The following PCNX1 variants were observed in gnomAD, a reference collection of about 807,000 sequenced individuals.
The protein encoded by PCNX1 is pecanex 1, also known as pecanex-like protein 1.
PCNX1 carries 78 observed loss-of-function variants against 242.2 expected under a neutral mutation model. That is an observed-to-expected ratio of 0.32 (90% confidence interval 0.27 to 0.39). The LOEUF (loss-of-function observed/expected upper bound fraction) is 0.39. PCNX1 is among the 10% of genes least tolerant of loss of function. The pLI, the probability that PCNX1 is intolerant of heterozygous loss-of-function variation, is 1.00. For missense variants in PCNX1, 2,581 were observed against 2,856.5 expected (o/e 0.90, Z 2.20); for synonymous variants, 1,024 against 1,032.9 (o/e 0.99, Z 0.17).
In PCNX1 at chr14:70,932,908, G is replaced by A. The variant is rs188175747; in HGVS notation, c.154-14007G>A. Among the ~76,000 whole-genome samples, 436 of 152,144 alleles carry A rather than the reference G, an allele frequency of 2.9e-3. 1 individual carries two copies. The highest frequency in any genetic ancestry group is 9.6e-3 in the African/African-American group (397 of 41,506). ...ATTACAGGCTTGAGCCACCACGCCC[G>A]GCCAAGAAGTTTTTATTATTTTTCT... is the stretch of plus-strand genomic sequence containing the variant. On this transcript the variant is annotated intron_variant, in intron 1 of 35. Coordinates refer to ENST00000304743, the MANE Select transcript of PCNX1 (RefSeq NM_014982.3).
intron 28 of PCNX1, chr14:71,085,925 G>A (rs1040831306): frequency 1.2e-5 from 2 of 161,868 alleles, no homozygotes; most frequent in African/African-American, 2.4e-5. Context: ...TTTCCTCTAC[G>A]CCTTTTGCAG....
At chr14:70,910,575 C>G (rs919072713) in intron 1 of PCNX1, among the ~76,000 whole-genome samples, 4 of 152,146 alleles carry the variant, frequency 2.6e-5, no homozygotes, top group African/African-American at 7.2e-5. Context: ...TTTGCAGGTT[C>G]TCATATACGT....
rs888045503 is a variant in PCNX1 at position 71,113,717 on chromosome 14, G to T, written c.*3782G>T. The T allele has an allele frequency of 8.5e-5, 13 of 152,178 alleles. No individual in the cohort carries two copies. The highest frequency in any genetic ancestry group is 1.8e-4 in the Non-Finnish European group (12 of 68,020). 9.4% of individuals were successfully genotyped at this position (152,178 alleles called of 1,614,324 possible). On this transcript the variant is annotated 3_prime_UTR_variant, in exon 36 of 36. Transcript: ENST00000304743. ...AATAAATATGTGACTTGAGAAAAAGGTAATAATGATTTTGTCAGAATTCTT... is the reference window on the plus strand; with the variant it reads ...AATAAATATGTGACTTGAGAAAAAGTTAATAATGATTTTGTCAGAATTCTT...
At position 71,047,706 on chromosome 14, in the gene PCNX1, T is replaced by C. The variant is rs2060902999; in HGVS notation, c.4161-101T>C. ...TTTGGAAGCTTACATTTAATGTATA[T>C]ATTATAAGCTTAGTAAAGTAAATGG... On this transcript the variant is annotated intron_variant, in intron 21 of 35. Transcript: ENST00000304743. The C allele has an allele frequency of 1.2e-5, 11 of 918,442 alleles. No individual in the cohort carries two copies. In the South Asian group the frequency reaches 2.0e-4, roughly 17 times the overall value. 56.9% of individuals were successfully genotyped at this position (918,442 alleles called of 1,614,324 possible). A position where few individuals can be genotyped will look rare whatever the true frequency, so the allele number is the denominator to read the frequency against.
intron 32 of PCNX1, among the ~76,000 whole-genome samples, chr14:71,104,036 G>A (rs1054038668): frequency 6.6e-6 from 1 of 152,122 alleles, no homozygotes; most frequent in African/African-American, 2.4e-5. Context: ...TGATTACTTT[G>A]TCTAGTTTAC....
At position 71,046,952 on chromosome 14, in the gene PCNX1, C is replaced by A; in HGVS notation, c.4019-12C>A. 2 of 1,596,828 alleles carry A rather than the reference C, an allele frequency of 1.3e-6. No homozygotes were observed. Among genetic ancestry groups the A allele is most frequent in the Non-Finnish European group, 1.7e-6 (2 of 1,171,924 alleles). ...TGATGACATGTAGTCTTGATTTATA[C>A]TGCCTTGTTAGATGCAGCCACTATG... On this transcript the variant is annotated splice_polypyrimidine_tract_variant and intron_variant, in intron 20 of 35. Coordinates refer to ENST00000304743, the MANE Select transcript of PCNX1 (RefSeq NM_014982.3).
At chr14:70,939,568 G>T (rs1463360557) in intron 1 of PCNX1, among the ~76,000 whole-genome samples, 1 of 152,144 alleles carries the variant, frequency 6.6e-6, no homozygotes, top group Non-Finnish European at 1.5e-5. Flanking sequence ...CGTCAGTTTT[G>T]GAATAAGTGC....
intron 30 of PCNX1, among the ~76,000 whole-genome samples, chr14:71,099,459 A>G (rs1012187580): frequency 6.6e-5 from 10 of 152,108 alleles, no homozygotes; most frequent in Admixed American, 2.6e-4. Flanking sequence ...CGCCCGGCCT[A>G]TTTTGATTTT....
At chr14:70,909,051 A>G (rs1375586174) in intron 1 of PCNX1, among the ~76,000 whole-genome samples, 2 of 152,092 alleles carry the variant, frequency 1.3e-5, no homozygotes, top group Non-Finnish European at 2.9e-5. Context: ...GCTAACTTTG[A>G]GGTTCTTTGT....
At chr14:70,991,105 G>A (rs2059150264) in intron 7 of PCNX1, among the ~76,000 whole-genome samples, 1 of 151,260 alleles carries the variant, frequency 6.6e-6, no homozygotes, top group South Asian at 2.1e-4. Context: ...AAAGAGCTGT[G>A]TTCTAATGTT....
chr14:71,099,073 T>G (rs1196522157), intron 30 of PCNX1, among the ~76,000 whole-genome samples: 1 of 152,208 alleles, frequency 6.6e-6, no homozygotes, highest in Non-Finnish European at 1.5e-5. Flanking sequence ...AATTCCCATG[T>G]AATTGTGTGG....
chr14:70,952,559 A>G (rs915127246), intron 2 of PCNX1, among the ~76,000 whole-genome samples: 1 of 151,828 alleles, frequency 6.6e-6, no homozygotes, highest in Non-Finnish European at 1.5e-5. Flanking sequence ...AGAATCATAC[A>G]GTATGCATTT....
rs767512168 is a variant in PCNX1, at chr14:70,978,425, C to G, written c.2088C>G (p.Gly696=). The G allele has an allele frequency of 2.5e-6, 4 of 1,614,148 alleles. No individual in the cohort carries two copies. The highest frequency in any genetic ancestry group is 3.3e-4 in the Middle Eastern group (2 of 6,060). The change falls in exon 6 of 36, where the codon GGC becomes GGG. Residue 696 remains glycine, a synonymous_variant. Coordinates refer to ENST00000304743, the MANE Select transcript of PCNX1 (RefSeq NM_014982.3). ...CCCGAGTGTTGAGCCTGGACAGTGG[C>G]ACAGTAGCATGTTTGAATGACTCAA... The part of the protein sequence containing the change: ...TRARVLSLDS[G]TVACLNDSNR...
rs2055630953 is a variant in PCNX1 at position 70,907,888 on chromosome 14, T to G, written c.38T>G (p.Val13Gly). 1 of 1,559,982 alleles carries G rather than the reference T, an allele frequency of 6.4e-7. No individual in the cohort carries two copies. The highest frequency in any genetic ancestry group is 8.6e-7 in the Non-Finnish European group (1 of 1,156,906). Residue 13 changes from valine to glycine, a missense_variant, in exon 1 of 36, where the codon GTG becomes GGG. This residue lies in a region of PCNX1 where 1,204 missense variants were observed against 1,216.7 expected (regional missense o/e 0.99). Coordinates refer to ENST00000304743, the MANE Select transcript of PCNX1 (RefSeq NM_014982.3). Reference sequence around the variant, plus strand: ...ACGCTGCAGATCCTCCGACAGGGGGTGTGGGCCGCGCTCAGCGGGGGCTGG... The same window carrying G: ...ACGCTGCAGATCCTCCGACAGGGGGGGTGGGCCGCGCTCAGCGGGGGCTGG... ...SQTLQILRQG[V>G]WAALSGGWYY...
intron 24 of PCNX1, chr14:71,053,265 T>C (rs1399451183): frequency 2.2e-6 from 1 of 452,852 alleles, no homozygotes; most frequent in African/African-American, 2.0e-5. Context: ...TCTTTTTTTT[T>C]CTTTTCTTTT....
At chr14:71,006,393 T>A (rs1274252521) in intron 8 of PCNX1, among the ~76,000 whole-genome samples, 1 of 152,002 alleles carries the variant, frequency 6.6e-6, no homozygotes, top group Non-Finnish European at 1.5e-5. Context: ...TGTTAGAAAC[T>A]GATTTTTTTT....
At chr14:70,910,960 C>A (rs750919596) in intron 1 of PCNX1, among the ~76,000 whole-genome samples, 1 of 152,086 alleles carries the variant, frequency 6.6e-6, no homozygotes, top group African/African-American at 2.4e-5. Context: ...GGGGATGAAC[C>A]CTAGACCAGG....
At position 70,939,197 on chromosome 14, in the gene PCNX1, T is replaced by A. The variant is rs185631990; in HGVS notation, c.154-7718T>A. Among the ~76,000 whole-genome samples, 205 of 152,336 alleles carry A rather than the reference T, an allele frequency of 1.3e-3. 1 individual carries two copies. Among genetic ancestry groups the A allele is most frequent in the Admixed American group, 3.9e-3 (60 of 15,302 alleles). Reference sequence around the variant, plus strand: ...AGCTTTTGAATGTGTTTGCTCTTGCTTCTCTAGTTCTTTTAATTGTGATGT... The same window carrying A: ...AGCTTTTGAATGTGTTTGCTCTTGCATCTCTAGTTCTTTTAATTGTGATGT... On this transcript the variant is annotated intron_variant, in intron 1 of 35. Coordinates refer to ENST00000304743, the MANE Select transcript of PCNX1 (RefSeq NM_014982.3).
intron 1 of PCNX1, among the ~76,000 whole-genome samples, chr14:70,925,858 G>T (rs2056570607): frequency 6.6e-6 from 1 of 151,962 alleles, no homozygotes. Flanking sequence ...TACATAGATT[G>T]CCCCTGCCGT....
Sources: allele counts gnomAD v4.1 joint callset (sites outside exome capture counted in the v4.1 genomes callset), GRCh38; gene constraint gnomAD v4.1.1; regional missense constraint gnomAD v4.1.1; transcripts MANE v1.5; gene names NCBI Gene and HGNC (gene_info 2026-07-23, HGNC 2026-07-21).